CYB561A3: variants seen among roughly 807,000 people sequenced by gnomAD.
CYB561A3 encodes the protein lysosomal membrane ascorbate-dependent ferrireductase CYB561A3.
A neutral mutation model predicts 25.3 loss-of-function variants in CYB561A3; 16 were observed. The ratio of observed to expected loss-of-function variants is 0.63; its 90% CI spans 0.43 to 0.96. The LOEUF (loss-of-function observed/expected upper bound fraction) is 0.96. Ranked by LOEUF, CYB561A3 falls within the 40% of genes least tolerant of loss-of-function variation. CYB561A3 has a pLI of 0.00. For synonymous variants in CYB561A3, 131 were observed against 129.9 expected (o/e 1.01, Z -0.06); for missense variants, 219 against 307.5 (o/e 0.71, Z 2.15).
chr11:61,349,491 C>T lies in CYB561A3; in HGVS notation c.*908G>A, dbSNP rs1857294165. ...AGCAAGGAGAAGTAGAGGAAGTCCACAGCCACCTCTGTTACTCATCGCTAC... is the reference window on the plus strand; with the variant it reads ...AGCAAGGAGAAGTAGAGGAAGTCCATAGCCACCTCTGTTACTCATCGCTAC... On this transcript the variant is annotated 3_prime_UTR_variant, in exon 7 of 7. Transcript: ENST00000294072. 1.4e-6 allele frequency: 1 copy of T among 698,132 alleles called. No individual in the cohort carries two copies. Among genetic ancestry groups the T allele is most frequent in the African/African-American group, 1.7e-5 (1 of 57,188 alleles). 43.2% of individuals were successfully genotyped at this position (698,132 alleles called of 1,614,324 possible). A position where few individuals can be genotyped will look rare whatever the true frequency, so the allele number is the denominator to read the frequency against.
intron 5 of CYB561A3, 130 bp from the exon 6 acceptor site, chr11:61,351,277 A>G: frequency 1.6e-6 from 1 of 607,766 alleles, no homozygotes; most frequent in Non-Finnish European, 2.3e-6. Context: ...GAATTTTAAC[A>G]CCCTTTCTTT....
At chr11:61,353,507 G>C (rs1337898070) in intron 4 of CYB561A3, 1 of 671,892 alleles carries the variant, frequency 1.5e-6, no homozygotes, top group African/African-American at 1.8e-5. Flanking sequence ...GTGGAAGCCA[G>C]ATGGCTGATT....
At chr11:61,352,954 A>C (rs1209105043) in intron 5 of CYB561A3, 31 bp downstream of exon 5, 3 of 1,613,856 alleles carry the variant, frequency 1.9e-6, no homozygotes, top group Non-Finnish European at 2.5e-6. Context: ...CCTCCTCTTC[A>C]CCTTAGAGTT....
intron 5 of CYB561A3, chr11:61,352,687 A>G (rs1358653165): frequency 4.4e-6 from 3 of 682,842 alleles, no homozygotes; most frequent in Non-Finnish European, 6.0e-6. Flanking sequence ...GAAAATGGCA[A>G]TGACAACAAT....
chr11:61,357,173 G>C (rs1857681235), intron 2 of CYB561A3: 1 of 1,551,262 alleles, frequency 6.4e-7, no homozygotes. Context: ...AAAAATTACA[G>C]TCTGAAAAGA....
At chr11:61,354,061 C>G (rs1590605291) in intron 3 of CYB561A3, 69 bp from the exon 4 acceptor site, 6 of 1,539,026 alleles carry the variant, frequency 3.9e-6, no homozygotes, top group Non-Finnish European at 5.3e-6. Context: ...GGGAATAACC[C>G]TGATAGGATC....
chr11:61,354,326 T>A, intron 3 of CYB561A3: 1 of 311,542 alleles, frequency 3.2e-6, no homozygotes, highest in Non-Finnish European at 6.1e-6. Flanking sequence ...CACTGCAATC[T>A]AGCCTGGGCC....
Position 61,350,135 on chromosome 11 carries a change from C to G in CYB561A3, c.*264G>C. 1.7e-6 allele frequency: 1 copy of G among 582,812 alleles called. No individual in the cohort carries two copies. Among genetic ancestry groups the G allele is most frequent in the Non-Finnish European group, 3.1e-6 (1 of 327,840 alleles). 36.1% of individuals were successfully genotyped at this position (582,812 alleles called of 1,614,324 possible). On this transcript the variant is annotated 3_prime_UTR_variant, in exon 7 of 7. Coordinates refer to ENST00000294072, the MANE Select transcript of CYB561A3 (RefSeq NM_153611.6). ...AAGCAGCCAGAGAAGGCAGGCCCAG[C>G]ACCCAGGCAAAGCCACCAAGGAAAG...
chr11:61,356,797 A>C (rs1158511868), intron 2 of CYB561A3, 69 bp from the exon 3 acceptor site: 1 of 1,564,158 alleles, frequency 6.4e-7, no homozygotes, highest in African/African-American at 1.4e-5. Flanking sequence ...AAAGGAGGTA[A>C]CACTGATTTA....
chr11:61,361,198 C>CA (rs1857862213), intron 1 of CYB561A3: 1 of 152,090 alleles, frequency 6.6e-6, no homozygotes, highest in South Asian at 2.1e-4. Flanking sequence ...CACTGGGGCC[C>CA]AAAACAAGAA....
rs1444221362 is a variant in CYB561A3, at chr11:61,349,293, T to G, written c.*1106A>C. 4 of 465,976 alleles carry G rather than the reference T, an allele frequency of 8.6e-6. No homozygotes were observed. The highest frequency in any genetic ancestry group is 1.6e-5 in the Non-Finnish European group (4 of 251,134). The allele number at this position is 465,976 out of a possible 1,614,324, so 28.9% of individuals were successfully genotyped here. Reference sequence around the variant, plus strand: ...GTGGGGCCAGGTGAAGCAATGTGGGTCTCAGCAAGGAACCCCTCTGAAGGT... The same window carrying G: ...GTGGGGCCAGGTGAAGCAATGTGGGGCTCAGCAAGGAACCCCTCTGAAGGT... On this transcript the variant is annotated 3_prime_UTR_variant, in exon 7 of 7. Coordinates refer to ENST00000294072, the MANE Select transcript of CYB561A3 (RefSeq NM_153611.6).
At position 61,349,660 on chromosome 11, in the gene CYB561A3, C is replaced by T. The variant is rs764286283; in HGVS notation, c.*739G>A. 124 of 702,608 alleles carry T rather than the reference C, an allele frequency of 1.8e-4. 1 individual carries two copies. The highest frequency in any genetic ancestry group is 2.8e-4 in the Non-Finnish European group (108 of 384,940). The allele number at this position is 702,608 out of a possible 1,614,324, so 43.5% of individuals were successfully genotyped here. On this transcript the variant is annotated 3_prime_UTR_variant, in exon 7 of 7. Coordinates refer to ENST00000294072, the MANE Select transcript of CYB561A3 (RefSeq NM_153611.6). ...TAGCAGCAGCTGGAAGAGGTGGAGC[C>T]GCACGGTCACAATACATGCAGACAC...
At chr11:61,356,414 C>CA in intron 3 of CYB561A3, 116 bp downstream of exon 3, 1 of 618,932 alleles carries the variant, frequency 1.6e-6, no homozygotes, top group Non-Finnish European at 2.5e-6. Context: ...CAGCCCAACC[C>CA]ACCCTACCCC....
chr11:61,356,941 C>G (rs1857674495), intron 2 of CYB561A3: 1 of 1,448,412 alleles, frequency 6.9e-7, no homozygotes, highest in Non-Finnish European at 9.0e-7. Context: ...CACCCCAGCA[C>G]CTGGCAGTGC....
At position 61,353,922 on chromosome 11, in the gene CYB561A3, C is replaced by T. The variant is rs1009865; in HGVS notation, c.255G>A (p.Ala85=). The T allele has an allele frequency of 7.4e-6, 12 of 1,614,062 alleles. No homozygotes were observed. Among genetic ancestry groups the T allele is most frequent in the East Asian group, 4.5e-5 (2 of 44,894 alleles). Reference sequence around the variant, plus strand: ...TGAGGACGAAGGCCATCAGGTGCAGCGCTGCATGGAGGAGTTTCCAGGGCA... The same window carrying T: ...TGAGGACGAAGGCCATCAGGTGCAGTGCTGCATGGAGGAGTTTCCAGGGCA... ...PKLPWKLLHA[A]LHLMAFVLTV... The change falls in exon 4 of 7, where the codon GCG becomes GCA. Residue 85 remains alanine, a synonymous_variant. Transcript: ENST00000294072.
chr11:61,357,159 A>G, intron 2 of CYB561A3: 2 of 1,550,300 alleles, frequency 1.3e-6, no homozygotes, highest in Non-Finnish European at 1.7e-6. Flanking sequence ...TAAGATAAGA[A>G]GGCAAAAATT....
rs1259205614 is a variant in CYB561A3 at position 61,349,239 on chromosome 11, C to T, written c.*1160G>A. ...GCTCAAGCTCTAGCATGGCACAGAA[C>T]GCTAGGTTGGGCCAGGCAAGCAGCC... is the stretch of plus-strand genomic sequence containing the variant. On this transcript the variant is annotated 3_prime_UTR_variant, in exon 7 of 7. Transcript: ENST00000294072. The T allele has an allele frequency of 8.1e-6, 3 of 369,136 alleles. No homozygotes were observed. The highest frequency in any genetic ancestry group is 4.1e-5 in the African/African-American group (2 of 48,490). The allele number at this position is 369,136 out of a possible 1,614,324, so 22.9% of individuals were successfully genotyped here.
intron 4 of CYB561A3, chr11:61,353,509 T>C: frequency 1.5e-6 from 1 of 671,850 alleles, no homozygotes; most frequent in African/African-American, 1.8e-5. Context: ...GGAAGCCAGA[T>C]GGCTGATTAG....
intron 1 of CYB561A3, chr11:61,360,996 GAA>G (rs1857849657): frequency 6.7e-6 from 1 of 149,730 alleles, no homozygotes; most frequent in African/African-American, 2.5e-5. Flanking sequence ...AAAAAAGAAA[GAA>G]AAAGAAAAAG....
Sources: allele counts gnomAD v4.1 joint callset, GRCh38; gene constraint gnomAD v4.1.1; transcripts MANE v1.5; gene names NCBI Gene and HGNC (gene_info 2026-07-23, HGNC 2026-07-21).